The following SHISA9 variants were observed in gnomAD, a reference collection of about 807,000 sequenced individuals.
SHISA9 encodes protein shisa-9.
In SHISA9, 13 loss-of-function variants were observed where a neutral mutation model predicts 38.0. The ratio of observed to expected loss-of-function variants is 0.34; its 90% CI spans 0.22 to 0.54. The LOEUF (loss-of-function observed/expected upper bound fraction) is 0.54, where lower values mean the gene tolerates loss of function less well. Ranked by LOEUF, SHISA9 falls within the 20% of genes least tolerant of loss-of-function variation. The pLI is 0.91. For missense variants in SHISA9, 538 were observed against 575.8 expected, an observed-to-expected ratio of 0.93 and a Z score of 0.67; for synonymous variants, 275 against 242.0, an observed-to-expected ratio of 1.14 and a Z score of -1.27.
At chr16:12,997,355 C>G (rs1401550917) in intron 2 of SHISA9, among the ~76,000 whole-genome samples, 3 of 149,334 alleles carry the variant, frequency 2.0e-5, no homozygotes, top group African/African-American at 7.3e-5. Context: ...CTGCAATTAT[C>G]TATATAGTCT....
the SHISA9 span, among the ~76,000 whole-genome samples, chr16:13,473,593 G>A: frequency 6.6e-6 from 1 of 151,916 alleles, no homozygotes; most frequent in East Asian, 1.9e-4. Flanking sequence ...AGTTTCTTCT[G>A]TCACACCAAC....
the SHISA9 span, among the ~76,000 whole-genome samples, chr16:13,319,285 C>T: frequency 3.3e-5 from 5 of 152,212 alleles, no homozygotes; most frequent in Non-Finnish European, 7.3e-5. Context: ...GCTGGGATTA[C>T]AGGTGTGAGC....
chr16:13,229,277 A>G (rs936269733), intron 4 of SHISA9, among the ~76,000 whole-genome samples: 6 of 152,242 alleles, frequency 3.9e-5, no homozygotes, highest in African/African-American at 1.2e-4. Flanking sequence ...ACGGATGATA[A>G]TGAATGAACT....
chr16:13,297,816 G>C, the SHISA9 span, among the ~76,000 whole-genome samples: 1 of 152,110 alleles, frequency 6.6e-6, no homozygotes, highest in Non-Finnish European at 1.5e-5. Context: ...GAGTGCAATG[G>C]CACAATCTCG....
the SHISA9 span, among the ~76,000 whole-genome samples, chr16:13,458,141 G>C: frequency 6.6e-6 from 1 of 152,142 alleles, no homozygotes; most frequent in Non-Finnish European, 1.5e-5. Context: ...AACAGTGAAG[G>C]ATAACATAGA....
chr16:12,939,472 C>G (rs917325951), intron 2 of SHISA9, among the ~76,000 whole-genome samples: 4 of 152,206 alleles, frequency 2.6e-5, no homozygotes, highest in Admixed American at 6.5e-5. Context: ...CTTGTGTGCA[C>G]TGGTCACAAG....
chr16:12,915,991 T>C (rs1346968283), intron 1 of SHISA9, among the ~76,000 whole-genome samples: 1 of 138,736 alleles, frequency 7.2e-6, no homozygotes, highest in African/African-American at 2.7e-5. Context: ...ACTGAGTTTT[T>C]TTTTTGTGTG....
chr16:13,023,195 G>T (rs35291910), intron 2 of SHISA9, among the ~76,000 whole-genome samples: 11,694 of 151,782 alleles, frequency 0.077, 595 homozygotes, highest in East Asian at 0.27. Context: ...ACAGGCCCTG[G>T]TGTGTGATGT....
chr16:13,319,225 T>C, the SHISA9 span, among the ~76,000 whole-genome samples: 1 of 152,140 alleles, frequency 6.6e-6, no homozygotes. Context: ...GCCAGGCTGG[T>C]CTCGAACTCC....
At chr16:13,547,806 C>G in the SHISA9 span, among the ~76,000 whole-genome samples, 2 of 151,730 alleles carry the variant, frequency 1.3e-5, no homozygotes, top group Non-Finnish European at 2.9e-5. Context: ...AAGTGATAAA[C>G]AGATTTAGTG....
rs114016775 is a variant in SHISA9, at chr16:13,011,379, A to G, written c.691+94564A>G. Among the ~76,000 whole-genome samples, 711 of 146,222 alleles carry G rather than the reference A, an allele frequency of 4.9e-3. 6 individuals are homozygous for G. Among genetic ancestry groups the G allele is most frequent in the African/African-American group, 0.017 (687 of 39,362 alleles). On this transcript the variant is annotated intron_variant, in intron 2 of 4. Transcript: ENST00000558583. ...TCTACTCATTTAGCACAAATCCCCA[A>G]TACACTACACTATTAGTAACCACAG...
chr16:13,426,813 G>T, the SHISA9 span, among the ~76,000 whole-genome samples: 1 of 152,198 alleles, frequency 6.6e-6, no homozygotes, highest in Non-Finnish European at 1.5e-5. Flanking sequence ...TTTATGAATG[G>T]CGTTGACAGT....
intron 2 of SHISA9, among the ~76,000 whole-genome samples, chr16:13,067,454 C>T (rs937094583): frequency 6.6e-6 from 1 of 152,220 alleles, no homozygotes; most frequent in African/African-American, 2.4e-5. Flanking sequence ...TGGTTAGAAT[C>T]AGGTAGGATT....
chr16:12,931,427 A>G (rs544844011), intron 2 of SHISA9, among the ~76,000 whole-genome samples: 1 of 152,162 alleles, frequency 6.6e-6, no homozygotes, highest in South Asian at 2.1e-4. Flanking sequence ...CAGCCCTTGT[A>G]TCCCATCTCT....
the SHISA9 span, among the ~76,000 whole-genome samples, chr16:13,372,773 TAAAG>T: frequency 3.9e-5 from 6 of 152,344 alleles, no homozygotes; most frequent in African/African-American, 1.4e-4. Context: ...GCAAAGGACG[TAAAG>T]GAAGCAGAGA....
At chr16:12,946,229 T>C (rs887853147) in intron 2 of SHISA9, among the ~76,000 whole-genome samples, 1 of 152,234 alleles carries the variant, frequency 6.6e-6, no homozygotes, top group Non-Finnish European at 1.5e-5. Context: ...TACCATGCTG[T>C]TTTGGTTACT....
At chr16:13,179,834 C>G (rs2050762455) in intron 2 of SHISA9, among the ~76,000 whole-genome samples, 1 of 152,232 alleles carries the variant, frequency 6.6e-6, no homozygotes, top group African/African-American at 2.4e-5. Flanking sequence ...AAAATTCCCT[C>G]TACTGCGTCT....
chr16:13,221,850 T>G (rs529740801), intron 4 of SHISA9, among the ~76,000 whole-genome samples: 23 of 152,192 alleles, frequency 1.5e-4, no homozygotes, highest in Non-Finnish European at 3.2e-4. Context: ...CTTGCCTATT[T>G]TGTGTCTTTA....
At chr16:12,954,790 C>T (rs572133008) in intron 2 of SHISA9, among the ~76,000 whole-genome samples, 1 of 152,218 alleles carries the variant, frequency 6.6e-6, no homozygotes, top group South Asian at 2.1e-4. Flanking sequence ...ACCAGTGAAA[C>T]GGGGATTACA....
Sources: allele counts gnomAD v4.1 joint callset (sites outside exome capture counted in the v4.1 genomes callset), GRCh38; gene constraint gnomAD v4.1.1; transcripts MANE v1.5; gene names NCBI Gene and HGNC (gene_info 2026-07-23, HGNC 2026-07-21).